Variants in SCUBE1 observed in about 807,000 individuals in gnomAD.
SCUBE1 encodes the protein signal peptide, CUB domain and EGF like domain containing 1.
In SCUBE1, 59 loss-of-function variants were observed where a neutral mutation model predicts 124.4. That is an observed-to-expected ratio of 0.47 (90% CI 0.38 to 0.59). The LOEUF is 0.59. Ranked by LOEUF, SCUBE1 falls within the 20% of genes least tolerant of loss-of-function variation. SCUBE1 has a pLI of 0.00. For synonymous variants in SCUBE1, 545 were observed against 550.9 expected (o/e 0.99, Z 0.15); for missense variants, 1,150 against 1,371.2 (o/e 0.84, Z 2.55).
intron 3 of SCUBE1, among the ~76,000 whole-genome samples, chr22:43,311,257 C>T (rs2146774715): frequency 6.6e-6 from 1 of 152,240 alleles, no homozygotes; most frequent in East Asian, 1.9e-4. Flanking sequence ...TGTCTTTCTC[C>T]TCTATGTAAG....
chr22:43,232,119 G>A, intron 7 of SCUBE1: 4 of 529,760 alleles, frequency 7.6e-6, no homozygotes, highest in Non-Finnish European at 6.9e-6. Flanking sequence ...CTTCCCCTGA[G>A]ACTTGGCAAG....
intron 7 of SCUBE1, 48 bp from the exon 8 acceptor site, chr22:43,231,923 T>C (rs766960527): frequency 2.5e-6 from 4 of 1,599,030 alleles, no homozygotes; most frequent in Admixed American, 3.3e-5. Context: ...GAGAATCAGC[T>C]TGTGTGACCA....
chr22:43,299,263 A>G (rs1925680094), intron 3 of SCUBE1, among the ~76,000 whole-genome samples: 1 of 152,164 alleles, frequency 6.6e-6, no homozygotes, highest in Admixed American at 6.5e-5. Flanking sequence ...GAGTGTGAGC[A>G]GGTGCAGCAC....
intron 2 of SCUBE1, among the ~76,000 whole-genome samples, chr22:43,320,294 T>G (rs1926500023): frequency 2.6e-5 from 4 of 152,236 alleles, no homozygotes; most frequent in Admixed American, 2.0e-4. Context: ...TAGTTCTGCC[T>G]CCACGGAGCC....
rs903777277 is a variant in SCUBE1 at position 43,343,156 on chromosome 22, C to A, written c.88+18G>T. On this transcript the variant is annotated intron_variant, in intron 1 of 21. Coordinates refer to ENST00000360835, the MANE Select transcript of SCUBE1 (RefSeq NM_173050.5). The stretch of plus-strand genomic sequence containing the variant: ...AGCCCCCCGCGCCCGCCGCCCCCCA[C>A]CTCGGTCGGGGGCTTACCTGGGAGC... The A allele has an allele frequency of 1.7e-6, 2 of 1,145,136 alleles. No individual in the cohort carries two copies. Among genetic ancestry groups the A allele is most frequent in the Non-Finnish European group, 1.1e-6 (1 of 933,884 alleles). The allele number at this position is 1,145,136 out of a possible 1,614,324, so 70.9% of individuals were successfully genotyped here. A position where few individuals can be genotyped will look rare whatever the true frequency, so the allele number is the denominator to read the frequency against.
chr22:43,263,030 A>T (rs1219802961), intron 4 of SCUBE1, among the ~76,000 whole-genome samples, 185 bp from the exon 5 acceptor site: 1 of 152,182 alleles, frequency 6.6e-6, no homozygotes, highest in African/African-American at 2.4e-5. Flanking sequence ...ATCTACATGG[A>T]TATCCCTTAG....
chr22:43,331,847 GC>G (rs1926912437), intron 2 of SCUBE1, among the ~76,000 whole-genome samples: 1 of 152,206 alleles, frequency 6.6e-6, no homozygotes, highest in African/African-American at 2.4e-5. Context: ...AAAGGCCCAT[GC>G]CCCAGGGGCC....
chr22:43,208,723 C>T (rs967193538), intron 19 of SCUBE1, among the ~76,000 whole-genome samples: 22 of 152,342 alleles, frequency 1.4e-4, no homozygotes, highest in African/African-American at 5.3e-4. Flanking sequence ...CAGCAAGGCC[C>T]ACTGAGCCCT....
chr22:43,311,981 C>T (rs1318907074), intron 3 of SCUBE1, among the ~76,000 whole-genome samples: 1 of 152,086 alleles, frequency 6.6e-6, no homozygotes, highest in South Asian at 2.1e-4. Context: ...CCAAAGCTTG[C>T]ATATTTGCGT....
intron 10 of SCUBE1, among the ~76,000 whole-genome samples, chr22:43,226,405 G>A (rs1185144987): frequency 1.3e-5 from 2 of 149,362 alleles, no homozygotes; most frequent in African/African-American, 2.5e-5. Context: ...CACAGCAAGG[G>A]AGGAGTGAGG....
intron 2 of SCUBE1, among the ~76,000 whole-genome samples, chr22:43,322,275 G>A (rs867643531): frequency 3.9e-5 from 6 of 152,140 alleles, no homozygotes; most frequent in South Asian, 2.1e-4. Flanking sequence ...AAGCCACCTC[G>A]TCCGGCATAG....
intron 3 of SCUBE1, among the ~76,000 whole-genome samples, chr22:43,297,163 C>T (rs1249257856): frequency 2.0e-5 from 3 of 152,270 alleles, no homozygotes; most frequent in African/African-American, 7.2e-5. Flanking sequence ...ACCAAGGCTG[C>T]TGACTTTTTC....
At chr22:43,300,363 A>G (rs886757568) in intron 3 of SCUBE1, among the ~76,000 whole-genome samples, 4 of 138,786 alleles carry the variant, frequency 2.9e-5, no homozygotes, top group African/African-American at 1.1e-4. Flanking sequence ...TTTGATTTTC[A>G]TTTTTCTAAT....
chr22:43,340,441 A>G (rs77186688), intron 1 of SCUBE1, among the ~76,000 whole-genome samples: 2,487 of 151,324 alleles, frequency 0.016, 78 homozygotes, highest in African/African-American at 0.057. Context: ...CTGTGTATCC[A>G]TTCCATCTAT....
At chr22:43,288,617 C>A (rs1178374844) in intron 4 of SCUBE1, among the ~76,000 whole-genome samples, 1 of 152,256 alleles carries the variant, frequency 6.6e-6, no homozygotes, top group African/African-American at 2.4e-5. Context: ...AAGCTTCCCA[C>A]CTGGCTTTCT....
intron 14 of SCUBE1, among the ~76,000 whole-genome samples, chr22:43,220,230 G>C (rs111634008): frequency 0.014 from 2,100 of 152,266 alleles, 21 homozygotes; most frequent in Non-Finnish European, 0.023. Context: ...CTGTCTCATT[G>C]CCCTGGGCTG....
chr22:43,306,294 T>C (rs757304024), intron 3 of SCUBE1, among the ~76,000 whole-genome samples: 80 of 152,120 alleles, frequency 5.3e-4, no homozygotes, highest in Middle Eastern at 3.2e-3. Context: ...CACAAGACAC[T>C]TATTTATTTA....
At chr22:43,340,042 G>T (rs139079965) in intron 1 of SCUBE1, among the ~76,000 whole-genome samples, 1 of 145,240 alleles carries the variant, frequency 6.9e-6, no homozygotes, top group Admixed American at 7.1e-5. Flanking sequence ...CCTTGGAGGA[G>T]TTTAAATCTA....
At chr22:43,325,403 G>T (rs918152872) in intron 2 of SCUBE1, among the ~76,000 whole-genome samples, 4 of 138,874 alleles carry the variant, frequency 2.9e-5, no homozygotes, top group African/African-American at 1.1e-4. Flanking sequence ...AGATCGCGCC[G>T]TTGCACTCCA....
Sources: allele counts gnomAD v4.1 joint callset (sites outside exome capture counted in the v4.1 genomes callset), GRCh38; gene constraint gnomAD v4.1.1; transcripts MANE v1.5; gene names NCBI Gene and HGNC (gene_info 2026-07-23, HGNC 2026-07-21).